The following KIAA1217 variants were observed in gnomAD, a reference collection of about 807,000 sequenced individuals.
The protein encoded by KIAA1217 is KIAA1217.
In KIAA1217, 88 loss-of-function variants were observed where a neutral mutation model predicts 163.9. The ratio of observed to expected loss-of-function variants is 0.54; its 90% confidence interval spans 0.45 to 0.64. The LOEUF is 0.64. Among genes scored for constraint, KIAA1217 ranks in the 30% least tolerant of loss-of-function variants. The probability of loss-of-function intolerance (pLI) is 0.00; values close to 1 mark genes in which losing one functional copy is unlikely to be tolerated. For synonymous variants in KIAA1217, 903 were observed against 923.1 expected (o/e 0.98, Z 0.39); for missense variants, 2,372 against 2,475.0 (o/e 0.96, Z 0.88).
intron 2 of KIAA1217, among the ~76,000 whole-genome samples, chr10:24,130,283 G>C (rs2063606565): frequency 6.6e-6 from 1 of 152,144 alleles, no homozygotes; most frequent in African/African-American, 2.4e-5. Context: ...TATTTGAAGT[G>C]CTACTAGCTT....
At chr10:23,969,929 G>T (rs1173758654) in intron 1 of KIAA1217, among the ~76,000 whole-genome samples, 3 of 152,302 alleles carry the variant, frequency 2.0e-5, no homozygotes, top group Middle Eastern at 3.4e-3. Context: ...TTACATGGTA[G>T]CAGGCAAGAG....
chr10:24,190,447 C>T (rs191226548), intron 2 of KIAA1217, among the ~76,000 whole-genome samples: 2 of 152,178 alleles, frequency 1.3e-5, no homozygotes, highest in African/African-American at 4.8e-5. Context: ...CTATGTGAGG[C>T]GCTGAACCCA....
At chr10:24,275,861 A>T in intron 2 of KIAA1217, 1 of 446,242 alleles carries the variant, frequency 2.2e-6, no homozygotes, top group East Asian at 6.0e-5. Flanking sequence ...GCAGGAGCAA[A>T]CTATAGCAAG....
intron 2 of KIAA1217, among the ~76,000 whole-genome samples, chr10:24,293,989 G>A (rs1429543390): frequency 6.6e-6 from 1 of 151,880 alleles, no homozygotes; most frequent in Non-Finnish European, 1.5e-5. Flanking sequence ...GTCAGGAGAT[G>A]GAGACCATCC....
chr10:24,506,689 T>TG (rs141090597), intron 9 of KIAA1217, among the ~76,000 whole-genome samples: 8 of 152,094 alleles, frequency 5.3e-5, no homozygotes, highest in Non-Finnish European at 8.8e-5. Context: ...CTTAGGAGAA[T>TG]GGGGGGAAAA....
chr10:24,002,764 C>T (rs946195908), intron 1 of KIAA1217, among the ~76,000 whole-genome samples: 7 of 152,106 alleles, frequency 4.6e-5, no homozygotes, highest in African/African-American at 1.7e-4. Flanking sequence ...AAGCAGTGAA[C>T]ACTGTACCCA....
chr10:24,252,989 C>G (rs1174740609), intron 2 of KIAA1217, among the ~76,000 whole-genome samples: 1 of 92,550 alleles, frequency 1.1e-5, no homozygotes, highest in Non-Finnish European at 2.3e-5. Flanking sequence ...CCCGCCTCTA[C>G]AAATAATTAA....
chr10:24,450,510 C>T (rs1232276770), intron 5 of KIAA1217, among the ~76,000 whole-genome samples: 1 of 152,138 alleles, frequency 6.6e-6, no homozygotes, highest in Non-Finnish European at 1.5e-5. Context: ...GCATTGATTT[C>T]CTTTAAAGGA....
chr10:24,494,729 T>G, intron 7 of KIAA1217, 125 bp downstream of exon 7: 1 of 732,122 alleles, frequency 1.4e-6, no homozygotes, highest in Non-Finnish European at 2.2e-6. Context: ...TTCACATCTC[T>G]ATGGATCATG....
At chr10:24,194,256 C>A (rs2066870155) in intron 2 of KIAA1217, among the ~76,000 whole-genome samples, 1 of 149,814 alleles carries the variant, frequency 6.7e-6, no homozygotes, top group African/African-American at 2.5e-5. Flanking sequence ...AAACCTTTCC[C>A]ACCAATCTTG....
chr10:24,001,319 G>A (rs1846734907), intron 1 of KIAA1217, among the ~76,000 whole-genome samples: 1 of 152,154 alleles, frequency 6.6e-6, no homozygotes, highest in Non-Finnish European at 1.5e-5. Context: ...TTACATGAAT[G>A]ATCAAACTGA....
At chr10:24,459,507 T>A (rs995369483) in intron 5 of KIAA1217, among the ~76,000 whole-genome samples, 4 of 152,230 alleles carry the variant, frequency 2.6e-5, no homozygotes, top group African/African-American at 4.8e-5. Context: ...TTTTCCCTCA[T>A]CAGCCTTAAC....
chr10:23,802,720 A>C (rs1406541837), intron 1 of KIAA1217, among the ~76,000 whole-genome samples: 1 of 152,240 alleles, frequency 6.6e-6, no homozygotes, highest in Non-Finnish European at 1.5e-5. Context: ...AGTCAACCAA[A>C]GGTAATGTGA....
At chr10:24,333,012 A>G (rs1385573598) in intron 2 of KIAA1217, among the ~76,000 whole-genome samples, 6 of 152,006 alleles carry the variant, frequency 3.9e-5, no homozygotes, top group Non-Finnish European at 5.9e-5. Context: ...CAGAGTATGT[A>G]CTGTTTTGTG....
chr10:23,937,732 G>A (rs1843592608), intron 1 of KIAA1217, among the ~76,000 whole-genome samples: 1 of 152,118 alleles, frequency 6.6e-6, no homozygotes, highest in South Asian at 2.1e-4. Context: ...TGGGATAACA[G>A]GGCCCAGGTT....
At chr10:24,087,711 A>G (rs1246718406) in intron 2 of KIAA1217, among the ~76,000 whole-genome samples, 1 of 152,250 alleles carries the variant, frequency 6.6e-6, no homozygotes, top group East Asian at 1.9e-4. Flanking sequence ...AGTCTAGCCC[A>G]TGAAGAAAAG....
intron 1 of KIAA1217, among the ~76,000 whole-genome samples, chr10:23,784,290 A>T (rs567183300): frequency 7.2e-5 from 11 of 152,096 alleles, no homozygotes; most frequent in South Asian, 2.1e-4. Flanking sequence ...TTTGTTAGGA[A>T]TTTTTTTTAA....
At chr10:23,762,291 C>A (rs1380163393) in intron 1 of KIAA1217, among the ~76,000 whole-genome samples, 2 of 149,418 alleles carry the variant, frequency 1.3e-5, no homozygotes, top group African/African-American at 5.1e-5. Context: ...CATCCTGATA[C>A]CAAAACCTGG....
At chr10:23,965,404 G>A (rs1845021805) in intron 1 of KIAA1217, among the ~76,000 whole-genome samples, 1 of 152,232 alleles carries the variant, frequency 6.6e-6, no homozygotes, top group African/African-American at 2.4e-5. Flanking sequence ...AACGGCAGCA[G>A]AATAGAAGGC....
Sources: allele counts gnomAD v4.1 joint callset (sites outside exome capture counted in the v4.1 genomes callset), GRCh38; gene constraint gnomAD v4.1.1; transcripts MANE v1.5; gene names NCBI Gene and HGNC (gene_info 2026-07-23, HGNC 2026-07-21).